The following ZFHX3 variants were observed in gnomAD, a reference collection of about 807,000 sequenced individuals.
The protein encoded by ZFHX3 is zinc finger homeobox protein 3.
A neutral mutation model predicts 279.1 loss-of-function variants in ZFHX3; 42 were observed. The observed-to-expected ratio is 0.15, with a 90% CI of 0.12 to 0.19. ZFHX3 has a LOEUF of 0.19. Among genes scored for constraint, ZFHX3 ranks in the 10% least tolerant of loss-of-function variants. The pLI is 1.00. For synonymous variants in ZFHX3, 2,293 were observed against 1,957.8 expected (o/e 1.17, Z -4.52); for missense variants, 4,981 against 4,754.0 (o/e 1.05, Z -1.40).
intron 2 of ZFHX3, among the ~76,000 whole-genome samples, chr16:72,956,854 T>C (rs368951301): frequency 2.6e-5 from 4 of 152,116 alleles, no homozygotes; most frequent in East Asian, 1.9e-4. Flanking sequence ...ATCTCTTTCA[T>C]TGAGGTCCTC....
chr16:72,874,851 G>C (rs921290006), intron 4 of ZFHX3, among the ~76,000 whole-genome samples: 2 of 152,128 alleles, frequency 1.3e-5, no homozygotes, highest in Non-Finnish European at 2.9e-5. Flanking sequence ...TGAGTGGTGT[G>C]AAACAAAAGA....
intron 4 of ZFHX3, among the ~76,000 whole-genome samples, chr16:72,855,155 T>C (rs1380399627): frequency 6.6e-6 from 1 of 152,224 alleles, no homozygotes; most frequent in Non-Finnish European, 1.5e-5. Flanking sequence ...ATATTCTACA[T>C]TGTGGTCACG....
At chr16:73,417,320 C>T (rs1271821209) in intron 3 of ZFHX3, among the ~76,000 whole-genome samples, 4 of 151,548 alleles carry the variant, frequency 2.6e-5, no homozygotes, top group Non-Finnish European at 4.4e-5. Context: ...GTGAAAACAC[C>T]GGTGAAATCC....
At chr16:72,998,302 G>A (rs1170580880) in intron 1 of ZFHX3, among the ~76,000 whole-genome samples, 5 of 152,066 alleles carry the variant, frequency 3.3e-5, no homozygotes, top group Non-Finnish European at 7.4e-5. Flanking sequence ...TCAGGAGGCT[G>A]AGGCACAAGA....
At chr16:73,208,466 T>G (rs1455566260) in intron 5 of ZFHX3, among the ~76,000 whole-genome samples, 1 of 152,246 alleles carries the variant, frequency 6.6e-6, no homozygotes, top group Non-Finnish European at 1.5e-5. Flanking sequence ...CTTCACAGTT[T>G]TCTAAATTTT....
In ZFHX3 at chr16:73,147,691, C is replaced by CAAAAAA. The variant is rs56079754; in HGVS notation, c.-1103-3866_-1103-3861dup. 1.5e-3 allele frequency among the ~76,000 whole-genome samples: 60 copies of CAAAAAA among 40,894 alleles called. 2 individuals are homozygous for CAAAAAA. The highest frequency in any genetic ancestry group is 5.8e-3 in the African/African-American group (53 of 9,178). The allele number at this position is 40,894 out of a possible 152,430, so 26.8% of individuals were successfully genotyped here. On this transcript the variant is annotated intron_variant, in intron 5 of 17. Coordinates refer to the ZFHX3 transcript ENST00000641206. Reference sequence around the variant, plus strand: ...TGGGCGACAGAGCGAGACTCCGTCTCAAAAAAAAAAAAAAAAAAAAAAAAA... The same window carrying CAAAAAA: ...TGGGCGACAGAGCGAGACTCCGTCTCAAAAAAAAAAAAAAAAAAAAAAAAAAAAAAA...
intron 5 of ZFHX3, among the ~76,000 whole-genome samples, chr16:72,816,602 G>A (rs1290979482): frequency 1.3e-5 from 2 of 152,050 alleles, no homozygotes; most frequent in Non-Finnish European, 2.9e-5. Flanking sequence ...TGCTGATGAG[G>A]CACAGGAAAG....
intron 5 of ZFHX3, among the ~76,000 whole-genome samples, chr16:72,824,239 C>G (rs1181624999): frequency 6.6e-6 from 1 of 152,158 alleles, no homozygotes; most frequent in Non-Finnish European, 1.5e-5. Flanking sequence ...TCATGCCTGC[C>G]AGCACCATAT....
intron 1 of ZFHX3, among the ~76,000 whole-genome samples, chr16:73,763,143 G>A (rs1373166440): frequency 6.6e-6 from 1 of 152,052 alleles, no homozygotes; most frequent in African/African-American, 2.4e-5. Flanking sequence ...CAAACTAGGA[G>A]TCTTCAGTGT....
chr16:73,358,974 T>A (rs2016390392), intron 3 of ZFHX3, among the ~76,000 whole-genome samples: 1 of 152,228 alleles, frequency 6.6e-6, no homozygotes. Context: ...AAACAGTACC[T>A]GGTCCATAAT....
At chr16:73,412,182 C>A (rs998497140) in intron 3 of ZFHX3, among the ~76,000 whole-genome samples, 1 of 151,840 alleles carries the variant, frequency 6.6e-6, no homozygotes, top group African/African-American at 2.4e-5. Context: ...AAAAATTAGC[C>A]GGACATAGTG....
intron 3 of ZFHX3, among the ~76,000 whole-genome samples, chr16:73,412,820 C>T (rs962776434): frequency 7.9e-5 from 12 of 152,232 alleles, no homozygotes; most frequent in Admixed American, 7.9e-4. Context: ...ACATTGGATT[C>T]TTCCAAATTC....
intron 3 of ZFHX3, among the ~76,000 whole-genome samples, chr16:73,340,526 T>C (rs897651844): frequency 1.3e-5 from 2 of 152,186 alleles, no homozygotes; most frequent in Non-Finnish European, 2.9e-5. Context: ...CCAGCTACTT[T>C]GGTTTTTTTG....
chr16:73,256,729 G>C (rs540859201), intron 5 of ZFHX3, among the ~76,000 whole-genome samples: 2 of 152,124 alleles, frequency 1.3e-5, no homozygotes, highest in African/African-American at 4.8e-5. Flanking sequence ...AAAACTGAGG[G>C]ATCAAGTAAC....
chr16:73,704,915 G>A (rs1337958330), intron 1 of ZFHX3, among the ~76,000 whole-genome samples: 1 of 152,128 alleles, frequency 6.6e-6, no homozygotes, highest in Non-Finnish European at 1.5e-5. Flanking sequence ...GCTGGCAACG[G>A]GTTCTCCAGT....
intron 4 of ZFHX3, among the ~76,000 whole-genome samples, chr16:73,268,029 A>G (rs901933305): frequency 6.6e-6 from 1 of 152,164 alleles, no homozygotes; most frequent in African/African-American, 2.4e-5. Flanking sequence ...ATTTCAGAAG[A>G]TTTGATTTAC....
chr16:73,270,144 T>C (rs2014101290), intron 4 of ZFHX3, among the ~76,000 whole-genome samples: 1 of 152,182 alleles, frequency 6.6e-6, no homozygotes, highest in African/African-American at 2.4e-5. Flanking sequence ...TTTTGAAAAG[T>C]TTAGTCATTC....
intron 5 of ZFHX3, among the ~76,000 whole-genome samples, chr16:73,156,741 G>T (rs1008362785): frequency 1.4e-5 from 2 of 147,142 alleles, no homozygotes; most frequent in African/African-American, 2.5e-5. Flanking sequence ...TTTTTGAAGA[G>T]TCTAGCTCTG....
chr16:73,768,796 A>C (rs2053983412), intron 1 of ZFHX3, among the ~76,000 whole-genome samples: 1 of 152,194 alleles, frequency 6.6e-6, no homozygotes, highest in African/African-American at 2.4e-5. Context: ...TGCCAACTAT[A>C]AGTGATGAGT....
Sources: allele counts gnomAD v4.1 joint callset (sites outside exome capture counted in the v4.1 genomes callset), GRCh38; gene constraint gnomAD v4.1.1; transcripts MANE v1.5; gene names NCBI Gene and HGNC (gene_info 2026-07-23, HGNC 2026-07-21).